RASAL2: variants seen among roughly 807,000 people sequenced by gnomAD.
The protein encoded by RASAL2 is RAS protein activator like 2.
Under a neutral mutation model 128.9 loss-of-function variants are expected in RASAL2, and 58 were observed. The ratio of observed to expected loss-of-function variants is 0.45; its 90% confidence interval spans 0.36 to 0.56. The LOEUF is 0.56. RASAL2 is among the 20% of genes least tolerant of loss of function. RASAL2 has a pLI of 0.00. For missense variants in RASAL2, 1,360 were observed against 1,601.6 expected (o/e 0.85, Z 2.57); for synonymous variants, 561 against 580.8 (o/e 0.97, Z 0.49).
intron 1 of RASAL2, among the ~76,000 whole-genome samples, chr1:178,190,536 T>A (rs1441315241): frequency 6.6e-6 from 1 of 152,186 alleles, no homozygotes; most frequent in East Asian, 1.9e-4. Flanking sequence ...CATTGAAATC[T>A]AAAAAGAAAG....
intron 1 of RASAL2, among the ~76,000 whole-genome samples, chr1:178,165,840 C>T (rs1303176291): frequency 6.6e-6 from 1 of 152,078 alleles, no homozygotes; most frequent in East Asian, 1.9e-4. Context: ...GTCTCTTGTC[C>T]AGAGTTGCCC....
intron 9 of RASAL2, among the ~76,000 whole-genome samples, chr1:178,446,504 A>T (rs932344611): frequency 2.0e-5 from 3 of 152,248 alleles, no homozygotes; most frequent in African/African-American, 7.2e-5. Flanking sequence ...ATACTATTTA[A>T]TGGTTTAGAA....
intron 12 of RASAL2, among the ~76,000 whole-genome samples, chr1:178,455,301 T>C (rs1677691041): frequency 6.6e-6 from 1 of 152,228 alleles, no homozygotes; most frequent in Non-Finnish European, 1.5e-5. Flanking sequence ...AAAAATAGTC[T>C]AAAAGACGTT....
chr1:178,211,331 C>T (rs1358025590), intron 1 of RASAL2, among the ~76,000 whole-genome samples: 1 of 152,160 alleles, frequency 6.6e-6, no homozygotes, highest in African/African-American at 2.4e-5. Context: ...ACCTCCCTAC[C>T]TTGATCCTTA....
chr1:178,445,596 A>G lies in RASAL2; in HGVS notation c.1561A>G (p.Ile521Val), dbSNP rs972396552. The G allele has an allele frequency of 4.3e-6, 7 of 1,613,914 alleles. No individual in the cohort carries two copies. The highest frequency in any genetic ancestry group is 1.3e-5 in the African/African-American group (1 of 75,060). The change falls in exon 9 of 18, where the codon ATT becomes GTT. Residue 521 changes from isoleucine to valine, a missense_variant. By Grantham distance (29) the Ile-to-Val change is conservative. Coordinates refer to ENST00000367649, the MANE Select transcript of RASAL2 (RefSeq NM_170692.4). ...HDVLIFRENT[I>V]ATKSIEEYLK... is the part of the protein sequence containing the mutation. ...TGTCTTGATCTTCAGAGAGAACACT[A>G]TTGCCACCAAATCCATTGAGGAATA...
At chr1:178,394,075 A>G (rs1476017606) in intron 4 of RASAL2, among the ~76,000 whole-genome samples, 1 of 152,194 alleles carries the variant, frequency 6.6e-6, no homozygotes, top group African/African-American at 2.4e-5. Context: ...TATATAGTGT[A>G]TACTTTGTCT....
intron 1 of RASAL2, among the ~76,000 whole-genome samples, chr1:178,274,247 TA>T (rs1276526035): frequency 6.6e-6 from 1 of 152,154 alleles, no homozygotes; most frequent in Non-Finnish European, 1.5e-5. Context: ...AATTTCTCAA[TA>T]GTGAAATTAG....
chr1:178,434,220 A>G (rs1173894146), intron 5 of RASAL2, among the ~76,000 whole-genome samples: 2 of 152,128 alleles, frequency 1.3e-5, no homozygotes, highest in Admixed American at 1.3e-4. Context: ...AAGATATGTT[A>G]TAACATGGTA....
At chr1:178,291,488 GATA>G (rs759951822) in intron 2 of RASAL2, among the ~76,000 whole-genome samples, 6 of 152,080 alleles carry the variant, frequency 3.9e-5, no homozygotes, top group Non-Finnish European at 7.4e-5. Context: ...ATAATGAAGG[GATA>G]AATTTACAAA....
At chr1:178,412,151 T>C (rs1674434569) in intron 4 of RASAL2, among the ~76,000 whole-genome samples, 1 of 151,954 alleles carries the variant, frequency 6.6e-6, no homozygotes, top group East Asian at 1.9e-4. Flanking sequence ...ACATCACTAT[T>C]TGGTTATTTT....
At chr1:178,457,522 A>G (rs780647789) in intron 13 of RASAL2, among the ~76,000 whole-genome samples, 161 bp from the exon 14 acceptor site, 1 of 152,190 alleles carries the variant, frequency 6.6e-6, no homozygotes, top group Non-Finnish European at 1.5e-5. Flanking sequence ...ATTTTATTCT[A>G]AGCATTGTAA....
intron 1 of RASAL2, among the ~76,000 whole-genome samples, chr1:178,118,813 T>C (rs1659609334): frequency 6.6e-6 from 1 of 152,066 alleles, no homozygotes; most frequent in Non-Finnish European, 1.5e-5. Flanking sequence ...AAATGACAGA[T>C]TGAGTTTGTT....
At chr1:178,209,596 T>C (rs1663182595) in intron 1 of RASAL2, among the ~76,000 whole-genome samples, 1 of 152,136 alleles carries the variant, frequency 6.6e-6, no homozygotes, top group African/African-American at 2.4e-5. Context: ...TGTGCTCTGG[T>C]TGGGTCTTTT....
Position 178,155,491 on chromosome 1 carries a change from C to T in RASAL2, c.202+60797C>T, listed in dbSNP as rs565593651. On this transcript the variant is annotated intron_variant, in intron 1 of 17. Transcript: ENST00000367649. ...AAAAAAAAAAAAAATTTTAGAAGTA[C>T]GATGTTGACATCCTATAGTTATAAT... Among the ~76,000 whole-genome samples the T allele has an allele frequency of 2.3e-4, 35 of 149,530 alleles. 2 individuals are homozygous for T. In the South Asian group the frequency reaches 7.2e-3, roughly 31 times the overall value.
At chr1:178,239,918 T>C (rs1212798745) in intron 1 of RASAL2, among the ~76,000 whole-genome samples, 1 of 152,098 alleles carries the variant, frequency 6.6e-6, no homozygotes, top group African/African-American at 2.4e-5. Context: ...TCCTAGCTTA[T>C]TAAAAACAGA....
intron 3 of RASAL2, among the ~76,000 whole-genome samples, chr1:178,347,916 AGTAGAAT>A (rs1490189669): frequency 6.6e-6 from 1 of 152,260 alleles, no homozygotes; most frequent in African/African-American, 2.4e-5. Context: ...GCTCATCAGC[AGTAGAAT>A]GAATAAATTG....
intron 1 of RASAL2, among the ~76,000 whole-genome samples, chr1:178,166,692 C>G (rs1485468180): frequency 6.6e-6 from 1 of 151,944 alleles, no homozygotes; most frequent in Non-Finnish European, 1.5e-5. Flanking sequence ...GAGTAACCAC[C>G]ACAATTAAAT....
At chr1:178,192,186 G>C (rs757403575) in intron 1 of RASAL2, among the ~76,000 whole-genome samples, 2 of 152,144 alleles carry the variant, frequency 1.3e-5, no homozygotes, top group Admixed American at 6.5e-5. Flanking sequence ...CCAGAGTTTC[G>C]TGGTACTCTG....
At position 178,400,196 on chromosome 1, in the gene RASAL2, C is replaced by T. The variant is rs1040532463; in HGVS notation, c.564+9990C>T. Among the ~76,000 whole-genome samples, 4 of 152,302 alleles carry T rather than the reference C, an allele frequency of 2.6e-5. No homozygotes were observed. In the South Asian group the frequency reaches 6.2e-4, roughly 24 times the overall value. ...AGAGCTTTCATTGTCTAATTTTGTA[C>T]TGCCTTTCCAGACTCATTTCCTAAT... On this transcript the variant is annotated intron_variant, in intron 4 of 17. Transcript: ENST00000367649.
Sources: gnomAD v4.1 joint callset for allele counts (sites outside exome capture counted in the v4.1 genomes callset) on GRCh38, gnomAD v4.1.1 for gene constraint, MANE v1.5 for transcripts, NCBI Gene and HGNC (gene_info 2026-07-23, HGNC 2026-07-21) for gene names.